The following DNM3 variants were observed in gnomAD, a reference collection of about 807,000 sequenced individuals.
The protein encoded by DNM3 is dynamin 3.
DNM3 carries 47 observed loss-of-function variants against 101.6 expected under a neutral mutation model. The ratio of observed to expected loss-of-function variants is 0.46; its 90% CI spans 0.37 to 0.59. The LOEUF (loss-of-function observed/expected upper bound fraction) is 0.59. DNM3 is among the 20% of genes least tolerant of loss of function. The pLI is 0.00. For synonymous variants in DNM3, 385 were observed against 387.9 expected (o/e 0.99, Z 0.09); for missense variants, 849 against 1,085.7 (o/e 0.78, Z 3.06).
At chr1:172,046,178 G>A (rs973326532) in intron 9 of DNM3, among the ~76,000 whole-genome samples, 1 of 152,024 alleles carries the variant, frequency 6.6e-6, no homozygotes, top group Non-Finnish European at 1.5e-5. Flanking sequence ...ATGATAGACT[G>A]GATTAAGAAA....
chr1:172,404,002 C>T (rs564673850), intron 20 of DNM3, among the ~76,000 whole-genome samples: 1 of 152,178 alleles, frequency 6.6e-6, no homozygotes, highest in Non-Finnish European at 1.5e-5. Flanking sequence ...TTTAGCATTG[C>T]ATATTAAGAA....
At chr1:171,909,769 A>G (rs900928941) in intron 1 of DNM3, among the ~76,000 whole-genome samples, 1 of 152,216 alleles carries the variant, frequency 6.6e-6, no homozygotes, top group Non-Finnish European at 1.5e-5. Context: ...TGTTACTTGA[A>G]ATTATAATTG....
At chr1:172,279,018 G>C (rs574793070) in intron 15 of DNM3, among the ~76,000 whole-genome samples, 103 of 152,240 alleles carry the variant, frequency 6.8e-4, no homozygotes, top group African/African-American at 2.4e-3. Flanking sequence ...AATCTTGCCA[G>C]ACTGTATGTC....
At chr1:172,000,474 A>G (rs1183429372) in intron 4 of DNM3, among the ~76,000 whole-genome samples, 7 of 152,202 alleles carry the variant, frequency 4.6e-5, no homozygotes, top group African/African-American at 2.4e-5. Flanking sequence ...TTGGACTTCA[A>G]ACTTAAAATG....
exon 21 of DNM3, chr1:172,418,352 A>G (rs1258002176): frequency 5.5e-6 from 7 of 1,283,928 alleles, no homozygotes; most frequent in Non-Finnish European, 7.1e-6. Context: ...TTCCAACAAC[A>G]TGTCTATCCA....
chr1:172,379,010 T>G lies in DNM3; in HGVS notation c.1894-8T>G. 1 of 1,606,560 alleles carries G rather than the reference T, an allele frequency of 6.2e-7. No homozygotes were observed. Reference sequence around the variant, plus strand: ...AGATAATCCATGGTTTGTTTTCTCTTCTTTTAGGCTGAAAATGATGAGAAT... The same window carrying G: ...AGATAATCCATGGTTTGTTTTCTCTGCTTTTAGGCTGAAAATGATGAGAAT... On this transcript the variant is annotated splice_region_variant and splice_polypyrimidine_tract_variant and intron_variant, in intron 17 of 20. Transcript: ENST00000627582.
chr1:172,098,377 C>G (rs2054395745), intron 13 of DNM3, among the ~76,000 whole-genome samples: 1 of 152,212 alleles, frequency 6.6e-6, no homozygotes, highest in African/African-American at 2.4e-5. Context: ...TTCTGCCTGG[C>G]TCACTGGCAG....
At chr1:172,385,339 C>T (rs1296560927) in intron 18 of DNM3, among the ~76,000 whole-genome samples, 12 of 152,182 alleles carry the variant, frequency 7.9e-5, no homozygotes, top group Admixed American at 3.3e-4. Flanking sequence ...CTTGCTTAAA[C>T]GCTTTCGCTG....
At chr1:172,405,206 C>T (rs1371035652) in intron 20 of DNM3, among the ~76,000 whole-genome samples, 3 of 152,098 alleles carry the variant, frequency 2.0e-5, no homozygotes, top group Non-Finnish European at 4.4e-5. Flanking sequence ...CATTATTCAA[C>T]AAATACTTAA....
chr1:172,222,293 T>C (rs2060936921), intron 14 of DNM3, among the ~76,000 whole-genome samples: 1 of 152,192 alleles, frequency 6.6e-6, no homozygotes, highest in Non-Finnish European at 1.5e-5. Context: ...AAGCTCTTGC[T>C]TTTCTCCTGC....
intron 20 of DNM3, chr1:172,394,006 A>G (rs1310620637): frequency 6.6e-6 from 1 of 152,218 alleles, no homozygotes; most frequent in Non-Finnish European, 1.5e-5. Flanking sequence ...CATTAAAGAA[A>G]ATATCCAATT....
chr1:171,907,103 T>A (rs907913326), intron 1 of DNM3, among the ~76,000 whole-genome samples: 2 of 152,214 alleles, frequency 1.3e-5, no homozygotes, highest in East Asian at 3.8e-4. Context: ...TTCCCTGATG[T>A]TTTGCCTCTA....
chr1:172,363,681 A>C (rs1344946310), intron 17 of DNM3, among the ~76,000 whole-genome samples: 3 of 151,798 alleles, frequency 2.0e-5, no homozygotes, highest in African/African-American at 7.3e-5. Flanking sequence ...GCTTGAGCAC[A>C]TCCTTTCTGG....
At chr1:171,910,850 T>C (rs912957821) in intron 1 of DNM3, among the ~76,000 whole-genome samples, 2 of 152,072 alleles carry the variant, frequency 1.3e-5, no homozygotes, top group African/African-American at 4.8e-5. Flanking sequence ...CCTGGTACTT[T>C]TGGAAAAAAC....
chr1:172,410,444 C>T lies in DNM3; in HGVS notation c.*2603C>T. The T allele has an allele frequency of 1.0e-6, 1 of 984,772 alleles. No individual in the cohort carries two copies. Among genetic ancestry groups the T allele is most frequent in the Non-Finnish European group, 1.2e-6 (1 of 829,420 alleles). The allele number at this position is 984,772 out of a possible 1,614,324, so 61.0% of individuals were successfully genotyped here. A position where few individuals can be genotyped will look rare whatever the true frequency, so the allele number is the denominator to read the frequency against. On this transcript the variant is annotated 3_prime_UTR_variant, in exon 21 of 21. Transcript: ENST00000627582. ...TCATGTCTAGCATAATTTAAAAAAT[C>T]AGTGTTTTTAGGATTTGGGAAAATA...
Position 172,308,713 on chromosome 1 carries a change from T to C in DNM3, c.1770-15T>C. The C allele has an allele frequency of 6.8e-7, 1 of 1,474,918 alleles. No homozygotes were observed. Among genetic ancestry groups the C allele is most frequent in the Non-Finnish European group, 9.1e-7 (1 of 1,097,102 alleles). The allele number at this position is 1,474,918 out of a possible 1,614,324, so 91.4% of individuals were successfully genotyped here. On this transcript the variant is annotated splice_polypyrimidine_tract_variant and intron_variant, in intron 15 of 20. Transcript: ENST00000627582. ...TTCAAACTAAAAGCATGATTTTTTT[T>C]TTTTTTAACTCCAGGAATGTATACA...
intron 10 of DNM3, among the ~76,000 whole-genome samples, chr1:172,055,513 ATTAT>A (rs954880224): frequency 2.0e-5 from 3 of 151,894 alleles, no homozygotes; most frequent in Admixed American, 2.0e-4. Context: ...TATTAATTAT[ATTAT>A]TTATGTCTGC....
At chr1:172,174,151 C>G (rs932312553) in intron 14 of DNM3, among the ~76,000 whole-genome samples, 21 of 151,610 alleles carry the variant, frequency 1.4e-4, no homozygotes, top group Admixed American at 2.0e-4. Context: ...AAAATATACA[C>G]TCTGCAAAAT....
chr1:172,267,630 A>G (rs534419276), intron 15 of DNM3, among the ~76,000 whole-genome samples: 20 of 152,266 alleles, frequency 1.3e-4, no homozygotes, highest in African/African-American at 4.6e-4. Flanking sequence ...TTATTATTCA[A>G]AAATGCTTTG....
Sources: allele counts gnomAD v4.1 joint callset (sites outside exome capture counted in the v4.1 genomes callset), GRCh38; gene constraint gnomAD v4.1.1; transcripts MANE v1.5; gene names NCBI Gene and HGNC (gene_info 2026-07-23, HGNC 2026-07-21).